The following PLEKHG1 variants were observed in gnomAD, a reference collection of about 807,000 sequenced individuals.
The protein encoded by PLEKHG1 is pleckstrin homology and RhoGEF domain containing G1.
Under a neutral mutation model 100.8 loss-of-function variants are expected in PLEKHG1, and 44 were observed. That is an observed-to-expected ratio of 0.44 (90% CI 0.34 to 0.56). The LOEUF is 0.56. PLEKHG1 is among the 20% of genes least tolerant of loss of function. PLEKHG1 has a pLI of 0.01. For missense variants in PLEKHG1, 1,545 were observed against 1,720.9 expected (o/e 0.90, Z 1.81); for synonymous variants, 640 against 662.5 (o/e 0.97, Z 0.52).
At chr6:150,636,718 A>AC (rs1410371386) in intron 1 of PLEKHG1, among the ~76,000 whole-genome samples, 70 of 152,196 alleles carry the variant, frequency 4.6e-4, no homozygotes, top group African/African-American at 1.3e-3. Flanking sequence ...ATTCTCTGTT[A>AC]GAAGTTAGAT....
At position 150,600,400 on chromosome 6, in the gene PLEKHG1, A is replaced by G. The variant is rs971677285; in HGVS notation, c.-204+383A>G. On this transcript the variant is annotated intron_variant, in intron 1 of 3. Transcript: ENST00000367326. This position sits in a 1 kb window ranked among gnomAD's most constrained non-coding sequence, Gnocchi z 6.2. ...AGCGCGCAGAGGAGTTTCTGCGAGC[A>G]CCCGGGAGTTGTAGCCACCGCTTCC... Among the ~76,000 whole-genome samples the G allele has an allele frequency of 4.0e-5, 6 of 151,154 alleles. No individual in the cohort carries two copies. The highest frequency in any genetic ancestry group is 1.5e-4 in the African/African-American group (6 of 41,178).
chr6:150,800,589 A>T (rs1786634172), intron 5 of PLEKHG1, 130 bp from the exon 7 acceptor site: 1 of 814,316 alleles, frequency 1.2e-6, no homozygotes, highest in Non-Finnish European at 1.9e-6. Context: ...GCCTAAAGGC[A>T]TGCTGATCTG....
At chr6:150,786,178 A>G (rs1785611256) in intron 3 of PLEKHG1, among the ~76,000 whole-genome samples, 1 of 152,188 alleles carries the variant, frequency 6.6e-6, no homozygotes, top group South Asian at 2.1e-4. Flanking sequence ...TGGGAGAGTT[A>G]TGGGTTCAAC....
chr6:150,709,489 G>T (rs1406543471), intron 3 of PLEKHG1, among the ~76,000 whole-genome samples: 2 of 152,178 alleles, frequency 1.3e-5, no homozygotes, highest in Non-Finnish European at 2.9e-5. Flanking sequence ...GAGAGTCTAT[G>T]GAGTTAAAAA....
chr6:150,738,873 G>A (rs1446743184), intron 2 of PLEKHG1, among the ~76,000 whole-genome samples: 1 of 152,204 alleles, frequency 6.6e-6, no homozygotes, highest in Non-Finnish European at 1.5e-5. Context: ...CAGATAAAAT[G>A]AGATGATAAA....
chr6:150,842,886 G>C (rs2128696342), exon 16 of PLEKHG1: 1 of 152,216 alleles, frequency 6.6e-6, no homozygotes, highest in East Asian at 1.9e-4. Context: ...GCTAATTTTT[G>C]TGTTGTTAGT....
At chr6:150,638,916 A>G (rs912587576) in intron 2 of PLEKHG1, among the ~76,000 whole-genome samples, 4 of 152,214 alleles carry the variant, frequency 2.6e-5, no homozygotes, top group Admixed American at 2.0e-4. Context: ...CTACAGCTTT[A>G]AAAGTATATT....
In PLEKHG1 at chr6:150,683,939, G is replaced by A; in HGVS notation, c.-99+33153G>A. The A allele has an allele frequency of 1.8e-6, 1 of 561,116 alleles. No homozygotes were observed. Among genetic ancestry groups the A allele is most frequent in the Non-Finnish European group, 2.8e-6 (1 of 360,980 alleles). 34.8% of individuals were successfully genotyped at this position (561,116 alleles called of 1,614,324 possible). On this transcript the variant is annotated intron_variant, in intron 3 of 3. Transcript: ENST00000367326. The surrounding 1 kb of genome is among the most constrained non-coding windows in gnomAD (Gnocchi z 4.0). ...TGCAGCCAGGGTGGTGGCAAGGGCA[G>A]TGGCAAGTAGTGGGTTTCATGGAAG...
chr6:150,703,780 G>A (rs1228486646), intron 3 of PLEKHG1, among the ~76,000 whole-genome samples: 3 of 152,066 alleles, frequency 2.0e-5, no homozygotes, highest in Non-Finnish European at 2.9e-5. Context: ...TGAATCACAG[G>A]AAAAAATACT....
Position 150,831,023 on chromosome 6 carries a change from G to A in PLEKHG1, c.1912G>A (p.Glu638Lys), listed in dbSNP as rs1371278517. 6.2e-7 allele frequency: 1 copy of A among 1,614,012 alleles called. No homozygotes were observed. The highest frequency in any genetic ancestry group is 1.3e-5 in the African/African-American group (1 of 75,042). The change falls in exon 15 of 16, where the codon GAA becomes AAA. Residue 638 changes from glutamate to lysine, a missense_variant. By Grantham distance (56) the Glu-to-Lys change is moderately conservative. Coordinates refer to ENST00000358517, the Ensembl canonical transcript of PLEKHG1. This position sits in a 1 kb window ranked among gnomAD's most constrained non-coding sequence, Gnocchi z 4.1. ...GGAACTGCAGAACAGCCCCAAAACA[G>A]AAGGGCAGGAGGAGATGACTCCCTT... is the stretch of plus-strand genomic sequence containing the variant.
At chr6:150,785,910 A>T (rs143750316) in intron 3 of PLEKHG1, among the ~76,000 whole-genome samples, 1 of 152,098 alleles carries the variant, frequency 6.6e-6, no homozygotes, top group African/African-American at 2.4e-5. Flanking sequence ...AGTGTAATGC[A>T]CTTGAGTCAT....
intron 3 of PLEKHG1, among the ~76,000 whole-genome samples, chr6:150,681,649 T>G (rs1779937502): frequency 6.6e-6 from 1 of 152,038 alleles, no homozygotes; most frequent in Non-Finnish European, 1.5e-5. Flanking sequence ...TTAGAAAACC[T>G]TTTTTCCCCA....
Position 150,733,572 on chromosome 6 carries a change from T to C in PLEKHG1, c.-98-12T>C. ...CTTATCTTGTCCTTTTTATTTTCTT[T>C]AATGCATATAGATGGGCACCAGTTG... is the stretch of plus-strand genomic sequence containing the variant. On this transcript the variant is annotated splice_polypyrimidine_tract_variant and intron_variant, in intron 1 of 15. Coordinates refer to ENST00000358517, the Ensembl canonical transcript of PLEKHG1. The C allele has an allele frequency of 6.3e-7, 1 of 1,590,256 alleles. No homozygotes were observed.
intron 2 of PLEKHG1, among the ~76,000 whole-genome samples, chr6:150,760,905 C>G (rs940648514): frequency 4.6e-5 from 7 of 151,904 alleles, no homozygotes; most frequent in Admixed American, 3.3e-4. Flanking sequence ...GTAAAAAGGC[C>G]TCTTATAAGG....
chr6:150,612,012 T>A (rs1776853673), intron 1 of PLEKHG1, among the ~76,000 whole-genome samples: 1 of 150,892 alleles, frequency 6.6e-6, no homozygotes, highest in South Asian at 2.1e-4. Context: ...ATAATCTCTA[T>A]TTCCAGACCT....
chr6:150,770,397 G>A (rs547543919), intron 3 of PLEKHG1, among the ~76,000 whole-genome samples: 1 of 152,340 alleles, frequency 6.6e-6, no homozygotes, highest in African/African-American at 2.4e-5. Flanking sequence ...TGTAGGAAGT[G>A]TCAGTGTTAC....
intron 7 of PLEKHG1, among the ~76,000 whole-genome samples, chr6:150,807,703 G>A (rs145720271): frequency 1.1e-4 from 16 of 152,268 alleles, no homozygotes; most frequent in African/African-American, 3.1e-4. Flanking sequence ...GCCAGGCGCC[G>A]GGGCTCACAC....
chr6:150,826,446 A>T (rs943078547), intron 14 of PLEKHG1, among the ~76,000 whole-genome samples: 1 of 152,180 alleles, frequency 6.6e-6, no homozygotes, highest in Non-Finnish European at 1.5e-5. Context: ...CAACAGGGTG[A>T]GACTCTGTCT....
chr6:150,776,953 C>G (rs1233653725), intron 3 of PLEKHG1, among the ~76,000 whole-genome samples: 1 of 150,396 alleles, frequency 6.6e-6, no homozygotes, highest in African/African-American at 2.5e-5. Context: ...CTGATGCAAT[C>G]CTGGTGCACA....
Sources: gnomAD v4.1 joint callset for allele counts (sites outside exome capture counted in the v4.1 genomes callset) on GRCh38, gnomAD v4.1.1 for gene constraint, Gnocchi (gnomAD v3.1) non-coding constraint, MANE v1.5 for transcripts, NCBI Gene and HGNC (gene_info 2026-07-23, HGNC 2026-07-21) for gene names.